Variants in TOX2 observed in about 807,000 individuals in gnomAD.
TOX2 encodes the protein granulosa cell HMG box 1.
Under a neutral mutation model 47.4 loss-of-function variants are expected in TOX2, and 15 were observed. The ratio of observed to expected loss-of-function variants is 0.32; its 90% CI spans 0.21 to 0.49. The LOEUF (loss-of-function observed/expected upper bound fraction) is 0.49. Ranked by LOEUF, TOX2 falls within the 20% of genes least tolerant of loss-of-function variation. The probability of loss-of-function intolerance (pLI) is 0.99; values close to 1 mark genes in which losing one functional copy is unlikely to be tolerated. For missense variants in TOX2, 622 were observed against 673.1 expected, an observed-to-expected ratio of 0.92 and a Z score of 0.84; for synonymous variants, 290 against 296.6, an observed-to-expected ratio of 0.98 and a Z score of 0.23.
chr20:44,064,697 T>C (rs1042332265), intron 5 of TOX2, 80 bp from the exon 6 acceptor site: 3 of 1,371,800 alleles, frequency 2.2e-6, no homozygotes, highest in Middle Eastern at 1.8e-4. Context: ...CTTGAATCCA[T>C]GCCTTCCCAC....
intron 2 of TOX2, among the ~76,000 whole-genome samples, chr20:43,986,010 C>G (rs1187074281): frequency 6.6e-6 from 1 of 152,122 alleles, no homozygotes; most frequent in Non-Finnish European, 1.5e-5. Flanking sequence ...TATAAGTCCC[C>G]TGAAGAAAAC....
At chr20:43,956,559 TAAAAAAAAA>T (rs11474983) in intron 1 of TOX2, among the ~76,000 whole-genome samples, 4 of 120,470 alleles carry the variant, frequency 3.3e-5, no homozygotes, top group African/African-American at 1.3e-4. Flanking sequence ...GTTCTATCTT[TAAAAAAAAA>T]AAAAAAAAAA....
In TOX2 at chr20:43,985,774, C is replaced by T. The variant is rs989636585; in HGVS notation, c.165+12342C>T. On this transcript the variant is annotated intron_variant, in intron 2 of 8. Coordinates refer to ENST00000341197, the MANE Select transcript of TOX2 (RefSeq NM_001098797.2). Reference sequence around the variant, plus strand: ...AGGCCTTCGAAGATGCATCTGCTTGCGAGGTAGCAGGGTCTGTGCCAACAG... The same window carrying T: ...AGGCCTTCGAAGATGCATCTGCTTGTGAGGTAGCAGGGTCTGTGCCAACAG... 3.3e-5 allele frequency among the ~76,000 whole-genome samples: 5 copies of T among 152,256 alleles called. No individual in the cohort carries two copies. The South Asian group carries it at 6.2e-4, about 19-fold the overall frequency.
chr20:43,997,898 A>AT (rs961545948), intron 2 of TOX2, among the ~76,000 whole-genome samples: 7 of 149,798 alleles, frequency 4.7e-5, no homozygotes, highest in African/African-American at 1.5e-4. Flanking sequence ...CCCTCCCTCC[A>AT]TTTTTTTTTC....
intron 2 of TOX2, among the ~76,000 whole-genome samples, chr20:43,983,274 A>G (rs2070201422): frequency 6.6e-6 from 1 of 152,292 alleles, no homozygotes; most frequent in African/African-American, 2.4e-5. Context: ...CATGCAACAG[A>G]CACACAAGAA....
At chr20:43,969,293 G>C (rs1373201817) in intron 1 of TOX2, among the ~76,000 whole-genome samples, 1 of 152,188 alleles carries the variant, frequency 6.6e-6, no homozygotes. Context: ...TGTGTGTGCT[G>C]CCCATGCTGT....
Position 44,053,433 on chromosome 20 carries a change from G to GATAT in TOX2, c.652-862_652-859dup, listed in dbSNP as rs144334824. Among the ~76,000 whole-genome samples, 379 of 98,140 alleles carry GATAT rather than the reference G, an allele frequency of 3.9e-3. 2 individuals are homozygous for GATAT. Among genetic ancestry groups the GATAT allele is most frequent in the Non-Finnish European group, 4.8e-3 (210 of 43,520 alleles). 64.4% of individuals were successfully genotyped at this position (98,140 alleles called of 152,430 possible). On this transcript the variant is annotated intron_variant, in intron 4 of 8. Transcript: ENST00000341197. ...GATTGTGCTCACAAGTGGGAGGGCA[G>GATAT]ATATATACACACACACACACACACA...
At chr20:44,037,354 A>G (rs1044431068) in intron 3 of TOX2, among the ~76,000 whole-genome samples, 1 of 152,244 alleles carries the variant, frequency 6.6e-6, no homozygotes, top group African/African-American at 2.4e-5. Context: ...TCTTGAACAC[A>G]CTAGGTGTCT....
intron 3 of TOX2, among the ~76,000 whole-genome samples, chr20:44,018,999 T>G (rs986015907): frequency 2.1e-4 from 32 of 152,094 alleles, no homozygotes; most frequent in Non-Finnish European, 4.1e-4. Context: ...CTCCACAGAG[T>G]GTGGGAATCA....
Position 43,994,274 on chromosome 20 carries a change from G to T in TOX2, c.166-12273G>T, listed in dbSNP as rs561285794. The stretch of plus-strand genomic sequence containing the variant: ...GAGCTCAGGAGTTTGAGACCAGCCT[G>T]GGCAGCATGGCAAAAACCCATCTCT... On this transcript the variant is annotated intron_variant, in intron 2 of 8. Coordinates refer to ENST00000341197, the MANE Select transcript of TOX2 (RefSeq NM_001098797.2). Among the ~76,000 whole-genome samples the T allele has an allele frequency of 1.2e-3, 183 of 150,728 alleles. 1 individual carries two copies. Among genetic ancestry groups the T allele is most frequent in the African/African-American group, 4.3e-3 (178 of 41,000 alleles).
At position 43,915,226 on chromosome 20, in the gene TOX2, C is replaced by T. The variant is rs924970449; in HGVS notation, c.99+236C>T. Among the ~76,000 whole-genome samples the T allele has an allele frequency of 2.0e-5, 3 of 152,150 alleles. No homozygotes were observed. The highest frequency in any genetic ancestry group is 6.5e-5 in the Admixed American group (1 of 15,284). On this transcript the variant is annotated intron_variant, in intron 1 of 8. Transcript: ENST00000341197. The surrounding 1 kb of genome is among the most constrained non-coding windows in gnomAD (Gnocchi z 7.1). ...ACACAGTGGCCCCTCACTCGCGTCC[C>T]CCTGACAGCCTCGCAGTCATTCACA...
intron 2 of TOX2, among the ~76,000 whole-genome samples, chr20:44,002,006 G>A (rs2070592166): frequency 6.6e-6 from 1 of 152,128 alleles, no homozygotes; most frequent in Non-Finnish European, 1.5e-5. Flanking sequence ...CACAGCACAG[G>A]TCTGAGCACC....
intron 1 of TOX2, among the ~76,000 whole-genome samples, chr20:43,938,860 G>A (rs2069364257): frequency 2.6e-5 from 4 of 152,224 alleles, no homozygotes; most frequent in Admixed American, 2.6e-4. Flanking sequence ...GGGTGGTAGA[G>A]GGGCATCTGA....
chr20:44,058,759 G>A (rs968008300), intron 5 of TOX2, among the ~76,000 whole-genome samples: 4 of 152,154 alleles, frequency 2.6e-5, no homozygotes, highest in Non-Finnish European at 5.9e-5. Flanking sequence ...CCCAGAGCCC[G>A]GTAGCTCCGC....
chr20:44,001,731 C>T (rs115942284), intron 2 of TOX2, among the ~76,000 whole-genome samples: 2,707 of 151,748 alleles, frequency 0.018, 80 homozygotes, highest in African/African-American at 0.061. Flanking sequence ...TGCTGAGGGA[C>T]AGGGAGGGAG....
At chr20:44,045,875 T>TA (rs1257199499) in intron 3 of TOX2, among the ~76,000 whole-genome samples, 21 of 152,234 alleles carry the variant, frequency 1.4e-4, no homozygotes, top group Non-Finnish European at 2.5e-4. Context: ...AAACAAGCCC[T>TA]AATACAGAGT....
chr20:43,996,031 G>C (rs6093912), intron 2 of TOX2, among the ~76,000 whole-genome samples: 7,370 of 152,278 alleles, frequency 0.048, 363 homozygotes, highest in African/African-American at 0.13. Context: ...TATATATCCA[G>C]TAATGGGATT....
chr20:43,917,077 G>C (rs889144350), intron 1 of TOX2, among the ~76,000 whole-genome samples: 2 of 152,170 alleles, frequency 1.3e-5, no homozygotes, highest in Admixed American at 1.3e-4. Flanking sequence ...TGGGGGTGGG[G>C]ATGCAGCTGA....
rs570603276 is a variant in TOX2 at position 43,925,972 on chromosome 20, G to A, written c.99+10982G>A. ...GCTCACTTCCTCCTGCTGCAGGGGT[G>A]GAAGAGTGTATCACTGGCTCCTTGT... On this transcript the variant is annotated intron_variant, in intron 1 of 8. Transcript: ENST00000341197. 4.6e-5 allele frequency among the ~76,000 whole-genome samples: 7 copies of A among 152,298 alleles called. No individual in the cohort carries two copies. The East Asian group carries it at 1.4e-3, about 29-fold the overall frequency.
Sources: gnomAD v4.1 joint callset for allele counts (sites outside exome capture counted in the v4.1 genomes callset) on GRCh38, gnomAD v4.1.1 for gene constraint, Gnocchi (gnomAD v3.1) non-coding constraint, MANE v1.5 for transcripts, NCBI Gene and HGNC (gene_info 2026-07-23, HGNC 2026-07-21) for gene names.